WASF1: variants seen among roughly 807,000 people sequenced by gnomAD.
WASF1 encodes actin-binding protein WASF1.
WASF1 carries 7 observed loss-of-function variants against 50.5 expected under a neutral mutation model. The ratio of observed to expected loss-of-function variants is 0.14; its 90% CI spans 0.08 to 0.26. The LOEUF is 0.26. Among genes scored for constraint, WASF1 ranks in the 10% least tolerant of loss-of-function variants. The probability of loss-of-function intolerance (pLI) is 1.00; values close to 1 mark genes in which losing one functional copy is unlikely to be tolerated. For missense variants in WASF1, 470 were observed against 694.7 expected (o/e 0.68, Z 3.64); for synonymous variants, 205 against 244.0 (o/e 0.84, Z 1.49).
intron 7 of WASF1, 135 bp from the exon 8 acceptor site, chr6:110,105,714 GAAA>G: frequency 6.0e-6 from 5 of 839,638 alleles, no homozygotes; most frequent in Non-Finnish European, 9.0e-6. Context: ...AAGTAACACA[GAAA>G]TGGTTTACTT....
At chr6:110,160,038 C>G (rs1328596115) in intron 3 of WASF1, among the ~76,000 whole-genome samples, 1 of 151,710 alleles carries the variant, frequency 6.6e-6, no homozygotes, top group African/African-American at 2.4e-5. Context: ...TCAAAAATAC[C>G]ATCTTGAAAG....
chr6:110,142,915 CAT>C lies in WASF1; in HGVS notation c.-28-15288_-28-15287del, dbSNP rs1392376625. On this transcript the variant is annotated intron_variant, in intron 3 of 10. Coordinates refer to ENST00000392589, the MANE Select transcript of WASF1 (RefSeq NM_003931.3). ...TGAATTTCCCGACTATTATATAACA[CAT>C]GTGGTTCCAAAAGTAATTTGGTTTC... Among the ~76,000 whole-genome samples, 4 of 132,738 alleles carry C rather than the reference CAT, an allele frequency of 3.0e-5. No homozygotes were observed. In the East Asian group the frequency reaches 6.8e-4, roughly 23 times the overall value. 87.1% of individuals were successfully genotyped at this position (132,738 alleles called of 152,430 possible).
At chr6:110,120,374 C>T (rs1418347351) in intron 4 of WASF1, among the ~76,000 whole-genome samples, 2 of 152,150 alleles carry the variant, frequency 1.3e-5, no homozygotes, top group Non-Finnish European at 2.9e-5. Context: ...GCAAAAATCA[C>T]AAGCATTCTT....
intron 3 of WASF1, among the ~76,000 whole-genome samples, chr6:110,130,155 GT>G (rs1163477587): frequency 6.6e-6 from 1 of 152,068 alleles, no homozygotes; most frequent in Non-Finnish European, 1.5e-5. Context: ...TGACCTATTT[GT>G]TTAGCATTCT....
chr6:110,154,356 T>C (rs543273411), intron 3 of WASF1, among the ~76,000 whole-genome samples: 1 of 152,094 alleles, frequency 6.6e-6, no homozygotes, highest in African/African-American at 2.4e-5. Context: ...AATATCAAAA[T>C]GGAAGAGGAT....
At chr6:110,151,117 T>C (rs1775803348) in intron 3 of WASF1, among the ~76,000 whole-genome samples, 1 of 152,222 alleles carries the variant, frequency 6.6e-6, no homozygotes, top group Non-Finnish European at 1.5e-5. Flanking sequence ...GTGGAATGAC[T>C]AGAGAGAGTA....
chr6:110,101,492 A>G (rs994956327), intron 10 of WASF1, 96 bp downstream of exon 10: 1 of 1,483,242 alleles, frequency 6.7e-7, no homozygotes, highest in Non-Finnish European at 9.0e-7. Flanking sequence ...ATGATCACCT[A>G]AAATTTTATA....
intron 5 of WASF1, among the ~76,000 whole-genome samples, chr6:110,109,330 C>T (rs1422336732): frequency 6.6e-6 from 1 of 152,146 alleles, no homozygotes; most frequent in African/African-American, 2.4e-5. Flanking sequence ...TTCCCAGTCA[C>T]TAGCACAGCC....
chr6:110,115,264 G>C (rs1011735548), intron 4 of WASF1, among the ~76,000 whole-genome samples: 2 of 150,748 alleles, frequency 1.3e-5, no homozygotes, highest in South Asian at 4.2e-4. Context: ...GTGAACACCA[G>C]GATTTAAGGC....
chr6:110,134,932 T>C (rs1157088468), intron 3 of WASF1, among the ~76,000 whole-genome samples: 5 of 152,140 alleles, frequency 3.3e-5, no homozygotes, highest in East Asian at 3.8e-4. Flanking sequence ...TTGATGGAAA[T>C]TGCATTTTGT....
Position 110,105,476 on chromosome 6 carries a change from T to G in WASF1, c.644A>C (p.Glu215Ala). 6.2e-7 allele frequency: 1 copy of G among 1,614,068 alleles called. No homozygotes were observed. Among genetic ancestry groups the G allele is most frequent in the Non-Finnish European group, 8.5e-7 (1 of 1,179,966 alleles). Residue 215 changes from glutamate (E) to alanine (A), a missense_variant, in exon 8 of 11, where the codon GAA becomes GCA. Glu to Ala is a moderately radical substitution (Grantham distance 107). Around this residue, in one of 3 missense-constraint regions of WASF1, gnomAD observed 140 missense variants for 260.5 expected, o/e 0.54. Coordinates refer to ENST00000392589, the MANE Select transcript of WASF1 (RefSeq NM_003931.3). ...CTTATGTAAGAGATTAGCATCATCT[T>G]CAGCCAGCTCTGGACCTTGGGCCAG... ...QKLAQGPELA[E>A]DDANLLHKHI...
intron 4 of WASF1, among the ~76,000 whole-genome samples, chr6:110,124,549 T>C (rs1774337855): frequency 1.3e-5 from 2 of 151,832 alleles, no homozygotes; most frequent in South Asian, 2.1e-4. Context: ...AAGTGAATTA[T>C]AGGTTTGTGG....
intron 2 of WASF1, among the ~76,000 whole-genome samples, chr6:110,165,312 C>T (rs1481772597): frequency 6.6e-6 from 1 of 151,528 alleles, no homozygotes; most frequent in Non-Finnish European, 1.5e-5. Flanking sequence ...GTACTTTCTG[C>T]TCAATTTTGC....
At position 110,126,147 on chromosome 6, in the gene WASF1, C is replaced by A. The variant is rs1774407103; in HGVS notation, c.133+1322G>T. The stretch of plus-strand genomic sequence containing the variant: ...ATGTATGTACATAACATATATAAAA[C>A]AAATTTTATATGACATCATGTTATA... On this transcript the variant is annotated intron_variant, in intron 4 of 10. Transcript: ENST00000392589. 2.0e-5 allele frequency among the ~76,000 whole-genome samples: 3 copies of A among 151,960 alleles called. No homozygotes were observed. The South Asian group carries it at 6.2e-4, about 31-fold the overall frequency.
chr6:110,137,435 T>C (rs1775018234), intron 3 of WASF1, among the ~76,000 whole-genome samples: 1 of 152,206 alleles, frequency 6.6e-6, no homozygotes, highest in African/African-American at 2.4e-5. Context: ...TGGTTAGACT[T>C]ATGAAAACAG....
intron 2 of WASF1, among the ~76,000 whole-genome samples, chr6:110,176,343 A>G (rs1776927653): frequency 6.6e-6 from 1 of 152,112 alleles, no homozygotes; most frequent in Non-Finnish European, 1.5e-5. Context: ...AACAAAAAAT[A>G]TGTTAACATA....
At chr6:110,179,398 C>T (rs1777105179) in intron 1 of WASF1, 41 bp downstream of exon 1, 1 of 152,710 alleles carries the variant, frequency 6.5e-6, no homozygotes, top group South Asian at 2.1e-4. Flanking sequence ...TCCCAACACC[C>T]CCTCCCCGAA....
At chr6:110,110,251 T>C (rs1773498526) in intron 5 of WASF1, among the ~76,000 whole-genome samples, 1 of 152,218 alleles carries the variant, frequency 6.6e-6, no homozygotes, top group Non-Finnish European at 1.5e-5. Flanking sequence ...AGTATATAAC[T>C]GACCTGAGGT....
At chr6:110,112,381 G>A (rs60495849) in intron 5 of WASF1, among the ~76,000 whole-genome samples, 31,130 of 151,798 alleles carry the variant, frequency 0.21, 4,415 homozygotes, top group African/African-American at 0.4. Context: ...TTTGGGAAAC[G>A]TCGGCATTCA....
Sources: allele counts gnomAD v4.1 joint callset (sites outside exome capture counted in the v4.1 genomes callset), GRCh38; gene constraint gnomAD v4.1.1; regional missense constraint gnomAD v4.1.1; transcripts MANE v1.5; gene names NCBI Gene and HGNC (gene_info 2026-07-23, HGNC 2026-07-21).